Variants in ASIC2 observed in about 807,000 individuals in gnomAD.
The protein encoded by ASIC2 is acid-sensing ion channel 2.
Under a neutral mutation model 57.3 loss-of-function variants are expected in ASIC2, and 25 were observed. The observed-to-expected ratio is 0.44, with a 90% confidence interval of 0.32 to 0.61. The LOEUF is 0.61. Ranked by LOEUF, ASIC2 falls within the 20% of genes least tolerant of loss-of-function variation. The probability of loss-of-function intolerance (pLI) is 0.06; values close to 1 mark genes in which losing one functional copy is unlikely to be tolerated. For synonymous variants in ASIC2, 319 were observed against 307.5 expected, an observed-to-expected ratio of 1.04 and a Z score of -0.39; for missense variants, 641 against 738.1, an observed-to-expected ratio of 0.87 and a Z score of 1.52.
At chr17:33,676,471 G>A (rs540566089) in intron 1 of ASIC2, among the ~76,000 whole-genome samples, 1 of 152,310 alleles carries the variant, frequency 6.6e-6, no homozygotes, top group Non-Finnish European at 1.5e-5. Flanking sequence ...GGAATAAGAA[G>A]AAAGTGAAAG....
chr17:34,004,941 G>A (rs1403619413), intron 1 of ASIC2: 1 of 152,142 alleles, frequency 6.6e-6, no homozygotes, highest in Non-Finnish European at 1.5e-5. Flanking sequence ...CATGAATGAT[G>A]TTCTTGTGAT....
intron 1 of ASIC2, chr17:34,041,517 AG>A (rs1316488709): frequency 2.0e-5 from 3 of 152,318 alleles, no homozygotes; most frequent in African/African-American, 7.2e-5. Context: ...CCTTATTATA[AG>A]CTCCGAGACC....
At chr17:34,095,052 C>T (rs902790722) in intron 1 of ASIC2, among the ~76,000 whole-genome samples, 33 of 152,300 alleles carry the variant, frequency 2.2e-4, no homozygotes, top group Middle Eastern at 3.4e-3. Context: ...TAACTCATGT[C>T]CCACCCCTGG....
rs964808943 is a variant in ASIC2 at position 33,960,890 on chromosome 17, G to A, written c.555+195088C>T. ...ATAAGGCCCCGCGAGAGTCAGATCC[G>A]TGCTGCTCTAATCTCCACGCTATCA... is the stretch of plus-strand genomic sequence containing the variant. On this transcript the variant is annotated intron_variant, in intron 1 of 9. Transcript: ENST00000359872. 9.9e-5 allele frequency among the ~76,000 whole-genome samples: 15 copies of A among 152,274 alleles called. No homozygotes were observed. The South Asian group carries it at 1.2e-3, about 13-fold the overall frequency.
intron 1 of ASIC2, among the ~76,000 whole-genome samples, chr17:33,129,385 C>A (rs1567755653): frequency 6.6e-6 from 1 of 152,112 alleles, no homozygotes; most frequent in Non-Finnish European, 1.5e-5. Flanking sequence ...TAGAAAATAG[C>A]CGATTTAGAG....
rs551296053 is a variant in ASIC2 at position 33,473,550 on chromosome 17, G to A, written c.556-361483C>T. Reference sequence around the variant, plus strand: ...CTGGACACTTAAGGAAGAGCTTGCAGGCTGAGTTAGGAAGTAGATCAGATT... The same window carrying A: ...CTGGACACTTAAGGAAGAGCTTGCAAGCTGAGTTAGGAAGTAGATCAGATT... On this transcript the variant is annotated intron_variant, in intron 1 of 9. Transcript: ENST00000359872. 2.6e-5 allele frequency among the ~76,000 whole-genome samples: 4 copies of A among 152,268 alleles called. No individual in the cohort carries two copies. The East Asian group carries it at 7.8e-4, about 30-fold the overall frequency.
chr17:33,883,709 A>G (rs1447836042), intron 1 of ASIC2, among the ~76,000 whole-genome samples: 1 of 152,236 alleles, frequency 6.6e-6, no homozygotes, highest in Non-Finnish European at 1.5e-5. Flanking sequence ...GCTTAAGATC[A>G]CATTCCCTTC....
intron 1 of ASIC2, among the ~76,000 whole-genome samples, chr17:33,334,382 G>A (rs1341403868): frequency 1.3e-5 from 2 of 152,184 alleles, no homozygotes; most frequent in African/African-American, 4.8e-5. Context: ...GCTCATGCAT[G>A]TCCATTGTGT....
chr17:33,048,989 A>G (rs1439094973), intron 3 of ASIC2, among the ~76,000 whole-genome samples: 2 of 152,244 alleles, frequency 1.3e-5, no homozygotes, highest in Admixed American at 6.5e-5. Flanking sequence ...ATCAGTGTCC[A>G]CACAGGATGC....
intron 7 of ASIC2, among the ~76,000 whole-genome samples, chr17:33,019,908 T>G (rs931693547): frequency 6.6e-6 from 1 of 151,934 alleles, no homozygotes; most frequent in Admixed American, 6.6e-5. Flanking sequence ...TGTGAGCCTA[T>G]GCTGGGGGAG....
chr17:33,718,263 C>T lies in ASIC2; in HGVS notation c.555+437715G>A, dbSNP rs112408136. Among the ~76,000 whole-genome samples the T allele has an allele frequency of 1.2e-4, 18 of 152,024 alleles. No individual in the cohort carries two copies. In the East Asian group the frequency reaches 1.5e-3, roughly 13 times the overall value. On this transcript the variant is annotated intron_variant, in intron 1 of 9. Transcript: ENST00000359872. ...GCATTTTTTATTGTTGTATTTTTTC[C>T]GAATATTTCTGATCCAAGGTTAGTT... is the stretch of plus-strand genomic sequence containing the variant.
At chr17:34,132,374 A>T (rs1912006013) in intron 1 of ASIC2, among the ~76,000 whole-genome samples, 1 of 152,180 alleles carries the variant, frequency 6.6e-6, no homozygotes, top group Non-Finnish European at 1.5e-5. Context: ...AAGGACAGGT[A>T]GACGGGTTGC....
At chr17:33,356,289 A>G (rs1481976328) in intron 1 of ASIC2, among the ~76,000 whole-genome samples, 3 of 152,100 alleles carry the variant, frequency 2.0e-5, no homozygotes, top group African/African-American at 7.2e-5. Flanking sequence ...ATGGATCATC[A>G]TTCCATTTTA....
intron 1 of ASIC2, among the ~76,000 whole-genome samples, chr17:33,895,279 C>T (rs967045149): frequency 6.6e-6 from 1 of 151,852 alleles, no homozygotes; most frequent in East Asian, 1.9e-4. Context: ...CCTCGTGTCT[C>T]AGCCTCCTGA....
chr17:33,270,244 T>C (rs923576500), intron 1 of ASIC2, among the ~76,000 whole-genome samples: 3 of 152,190 alleles, frequency 2.0e-5, no homozygotes, highest in South Asian at 2.1e-4. Flanking sequence ...TTTAATCATA[T>C]AATCATCTTT....
At position 33,330,156 on chromosome 17, in the gene ASIC2, C is replaced by CCTG. The variant is rs1166211511; in HGVS notation, c.556-218092_556-218090dup. Among the ~76,000 whole-genome samples the CCTG allele has an allele frequency of 2.6e-5, 4 of 152,280 alleles. 1 individual carries two copies. The highest frequency in any genetic ancestry group is 6.8e-3 in the Middle Eastern group (2 of 294). On this transcript the variant is annotated intron_variant, in intron 1 of 9. Coordinates refer to the ASIC2 transcript ENST00000359872. ...ATCTCTAAATTTGTGAGCATACTCT[C>CCTG]CTGCTGCTGAAGTCAGTGCTGCTCA...
At chr17:33,136,732 T>C (rs2092368463) in intron 1 of ASIC2, among the ~76,000 whole-genome samples, 1 of 152,246 alleles carries the variant, frequency 6.6e-6, no homozygotes, top group Non-Finnish European at 1.5e-5. Flanking sequence ...TGAGCTCATA[T>C]GACCATTGCT....
At chr17:33,760,624 TAC>T (rs200668942) in intron 1 of ASIC2, among the ~76,000 whole-genome samples, 1 of 151,476 alleles carries the variant, frequency 6.6e-6, no homozygotes, top group Non-Finnish European at 1.5e-5. Flanking sequence ...TATATATACA[TAC>T]ACACATACAC....
Position 33,079,875 on chromosome 17 carries a change from C to A in ASIC2, c.987+8988G>T, listed in dbSNP as rs527285870. Among the ~76,000 whole-genome samples the A allele has an allele frequency of 1.9e-3, 285 of 152,288 alleles. 1 individual carries two copies. The highest frequency in any genetic ancestry group is 2.7e-3 in the Non-Finnish European group (183 of 68,022). On this transcript the variant is annotated intron_variant, in intron 3 of 9. Transcript: ENST00000225823. ...GAGAATGAGGAACAAGGTTCCACAA[C>A]TAGCAAATGGGGATTTGCACTCCGG...
Sources: gnomAD v4.1 joint callset for allele counts (sites outside exome capture counted in the v4.1 genomes callset) on GRCh38, gnomAD v4.1.1 for gene constraint, MANE v1.5 for transcripts, NCBI Gene and HGNC (gene_info 2026-07-23, HGNC 2026-07-21) for gene names.